Variants in SH3BP5 observed in about 807,000 individuals in gnomAD.
SH3BP5 encodes the protein SH3 domain-binding protein 5.
A neutral mutation model predicts 43.3 loss-of-function variants in SH3BP5; 22 were observed. The observed-to-expected ratio is 0.51, with a 90% CI of 0.36 to 0.73. The LOEUF is 0.73. Ranked by LOEUF, SH3BP5 falls within the 30% of genes least tolerant of loss-of-function variation. The pLI is 0.00. For missense variants in SH3BP5, 529 were observed against 586.9 expected (o/e 0.90, Z 1.02); for synonymous variants, 255 against 225.8 (o/e 1.13, Z -1.16).
At chr3:15,259,075 G>A in intron 6 of SH3BP5, 25 bp from the exon 7 acceptor site, 1 of 1,567,732 alleles carries the variant, frequency 6.4e-7, no homozygotes, top group Non-Finnish European at 8.8e-7. Context: ...AGGAGACTAA[G>A]TGAAGACTAC....
chr3:15,304,417 G>T, intron 2 of SH3BP5, 186 bp from the exon 3 acceptor site: 1 of 870,246 alleles, frequency 1.1e-6, no homozygotes, highest in East Asian at 2.7e-5. Flanking sequence ...CGGCGGAAAC[G>T]TCCTGTGCTC....
intron 2 of SH3BP5, among the ~76,000 whole-genome samples, chr3:15,309,105 T>C (rs1697985171): frequency 1.3e-5 from 2 of 152,138 alleles, no homozygotes; most frequent in South Asian, 4.1e-4. Context: ...TCATCTTCCA[T>C]AGCAGGATGT....
At chr3:15,304,960 A>T (rs1395658757) in intron 2 of SH3BP5, among the ~76,000 whole-genome samples, 1 of 151,936 alleles carries the variant, frequency 6.6e-6, no homozygotes, top group Non-Finnish European at 1.5e-5. Context: ...TCTACTAAAA[A>T]TACAAAAATT....
chr3:15,308,462 C>G (rs1697969376), intron 2 of SH3BP5, among the ~76,000 whole-genome samples: 1 of 152,202 alleles, frequency 6.6e-6, no homozygotes. Context: ...AGTGCTAAGA[C>G]TACTTACACA....
chr3:15,324,852 G>A (rs1698420841), intron 2 of SH3BP5, among the ~76,000 whole-genome samples: 1 of 136,416 alleles, frequency 7.3e-6, no homozygotes. Context: ...TTGCTCCTTG[G>A]GTCCAAAAAA....
chr3:15,327,867 T>C (rs979819144), intron 2 of SH3BP5, among the ~76,000 whole-genome samples: 7 of 152,186 alleles, frequency 4.6e-5, no homozygotes, highest in African/African-American at 1.7e-4. Context: ...GTGCCCTAAG[T>C]GTAAAATATG....
rs184994160 is a variant in SH3BP5, at chr3:15,281,995, C to T, written c.331-12118G>A. Among the ~76,000 whole-genome samples, 74 of 151,944 alleles carry T rather than the reference C, an allele frequency of 4.9e-4. No individual in the cohort carries two copies. In the Middle Eastern group the frequency reaches 0.021, roughly 42 times the overall value. On this transcript the variant is annotated intron_variant, in intron 3 of 8. Coordinates refer to ENST00000383791, the MANE Select transcript of SH3BP5 (RefSeq NM_004844.5). ...GCACTCCAGCATGAGGTGACAAGAG[C>T]GAAACACGGTCCCCTCCCCCAAAAA...
At chr3:15,321,769 T>C (rs1460764857) in intron 2 of SH3BP5, among the ~76,000 whole-genome samples, 1 of 141,226 alleles carries the variant, frequency 7.1e-6, no homozygotes, top group African/African-American at 2.7e-5. Context: ...AAAAACAAAC[T>C]AGGAAAGTAA....
At chr3:15,300,326 G>C (rs1444147052) in intron 3 of SH3BP5, among the ~76,000 whole-genome samples, 1 of 152,172 alleles carries the variant, frequency 6.6e-6, no homozygotes, top group Non-Finnish European at 1.5e-5. Context: ...CCAACCTCAT[G>C]AGATAGCCAG....
rs1381118047 is a variant in SH3BP5, at chr3:15,269,877, C to T, written c.331G>A (p.Ala111Thr). The T allele has an allele frequency of 6.5e-6, 10 of 1,533,302 alleles. No individual in the cohort carries two copies. The African/African-American group carries it at 1.1e-4, about 17-fold the overall frequency. The allele number at this position is 1,533,302 out of a possible 1,614,324, so 95.0% of individuals were successfully genotyped here. A position where few individuals can be genotyped will look rare whatever the true frequency, so the allele number is the denominator to read the frequency against. Reference sequence around the variant, plus strand: ...GTGGCTTTCTGAGCTTCCAGCTGAGCCTGTGTGAGAAAGAATCCTCATGAG... The same window carrying T: ...GTGGCTTTCTGAGCTTCCAGCTGAGTCTGTGTGAGAAAGAATCCTCATGAG... ...YWEARRVARQ[A>T]QLEAQKATQD... Residue 111 changes from alanine (A) to threonine (T), a missense_variant and splice_region_variant, in exon 4 of 9, where the codon GCT becomes ACT. Physicochemically the swap from Ala to Thr is moderately conservative, Grantham distance 58. This residue lies in a region of SH3BP5 where 85 missense variants were observed against 140.8 expected (regional missense o/e 0.60). Coordinates refer to ENST00000383791, the MANE Select transcript of SH3BP5 (RefSeq NM_004844.5).
chr3:15,329,666 A>G (rs1698560766), intron 2 of SH3BP5, among the ~76,000 whole-genome samples: 1 of 152,142 alleles, frequency 6.6e-6, no homozygotes, highest in African/African-American at 2.4e-5. Flanking sequence ...CCTTCCACTG[A>G]CGTTTGCTAT....
chr3:15,332,127 T>C lies in SH3BP5; in HGVS notation c.138+144A>G, dbSNP rs555639769. The C allele has an allele frequency of 1.4e-4, 189 of 1,307,640 alleles. No individual in the cohort carries two copies. In the South Asian group the frequency reaches 2.0e-3, roughly 14 times the overall value. The allele number at this position is 1,307,640 out of a possible 1,614,324, so 81.0% of individuals were successfully genotyped here. ...ATTGTGGAGACGATGAAACGGAGCA[T>C]ACAGACCGTCTCCTGCCACCCTATG... On this transcript the variant is annotated intron_variant, in intron 1 of 8. Coordinates refer to ENST00000383791, the MANE Select transcript of SH3BP5 (RefSeq NM_004844.5).
At chr3:15,305,289 C>T (rs374985861) in intron 2 of SH3BP5, among the ~76,000 whole-genome samples, 27 of 152,332 alleles carry the variant, frequency 1.8e-4, no homozygotes, top group African/African-American at 5.8e-4. Flanking sequence ...CTGACCAAAC[C>T]TCTATCTGGG....
chr3:15,315,526 T>C (rs955175326), intron 2 of SH3BP5, among the ~76,000 whole-genome samples: 10 of 145,456 alleles, frequency 6.9e-5, no homozygotes, highest in Admixed American at 5.4e-4. Context: ...AGAGACAAGG[T>C]AAGAAAATAT....
rs867662673 is a variant in SH3BP5, at chr3:15,292,716, C to T, written c.330+11387G>A. 5.9e-5 allele frequency among the ~76,000 whole-genome samples: 9 copies of T among 152,178 alleles called. No individual in the cohort carries two copies. In the South Asian group the frequency reaches 1.7e-3, roughly 28 times the overall value. Reference sequence around the variant, plus strand: ...ATACAAAATTAGCTGGGCGTGGTGGCGCATGCCTGTAATCGCAGCTACTCG... The same window carrying T: ...ATACAAAATTAGCTGGGCGTGGTGGTGCATGCCTGTAATCGCAGCTACTCG... On this transcript the variant is annotated intron_variant, in intron 3 of 8. Transcript: ENST00000383791.
At chr3:15,327,183 A>G (rs1306044116) in intron 2 of SH3BP5, among the ~76,000 whole-genome samples, 1 of 151,798 alleles carries the variant, frequency 6.6e-6, no homozygotes, top group African/African-American at 2.4e-5. Flanking sequence ...TCCGGAGTTC[A>G]AGACCAGCCA....
intron 3 of SH3BP5, among the ~76,000 whole-genome samples, chr3:15,299,452 C>CCAATA (rs1697667586): frequency 6.7e-6 from 1 of 148,844 alleles, no homozygotes; most frequent in Admixed American, 6.7e-5. Flanking sequence ...TTTTAATGAA[C>CCAATA]CAATACAATT....
At chr3:15,327,394 C>T (rs368053678) in intron 2 of SH3BP5, among the ~76,000 whole-genome samples, 2 of 151,848 alleles carry the variant, frequency 1.3e-5, no homozygotes, top group Non-Finnish European at 2.9e-5. Context: ...CGTGAGACTC[C>T]GTCTCAGGAA....
chr3:15,274,256 AAAG>A (rs1290427643), intron 3 of SH3BP5, among the ~76,000 whole-genome samples: 1 of 136,532 alleles, frequency 7.3e-6, no homozygotes, highest in Non-Finnish European at 1.5e-5. Context: ...AACAAAAAAA[AAAG>A]AAAGAAAGAA....
Sources: gnomAD v4.1 joint callset for allele counts (sites outside exome capture counted in the v4.1 genomes callset) on GRCh38, gnomAD v4.1.1 for gene constraint, gnomAD v4.1.1 regional missense constraint, MANE v1.5 for transcripts, NCBI Gene and HGNC (gene_info 2026-07-23, HGNC 2026-07-21) for gene names.